The following PKIG variants were observed in gnomAD, a reference collection of about 807,000 sequenced individuals.
PKIG encodes protein kinase (cAMP-dependent, catalytic) inhibitor gamma.
A neutral mutation model predicts 6.8 loss-of-function variants in PKIG; 1 was observed. The observed-to-expected ratio is 0.15, with a 90% confidence interval of 0.05 to 0.69. PKIG has a LOEUF of 0.69. PKIG is among the 30% of genes least tolerant of loss of function. The pLI, the probability that PKIG is intolerant of heterozygous loss-of-function variation, is 0.82. For synonymous variants in PKIG, 39 were observed against 43.0 expected, an observed-to-expected ratio of 0.91 and a Z score of 0.36; for missense variants, 77 against 104.0, an observed-to-expected ratio of 0.74 and a Z score of 1.13.
chr20:44,543,459 C>G (rs1028901400), intron 1 of PKIG, among the ~76,000 whole-genome samples: 1 of 152,180 alleles, frequency 6.6e-6, no homozygotes, highest in Admixed American at 6.5e-5. Flanking sequence ...CCCTGTCTTG[C>G]ATGCCCACTG....
intron 1 of PKIG, among the ~76,000 whole-genome samples, chr20:44,545,211 C>T (rs1433102703): frequency 6.6e-6 from 1 of 152,092 alleles, no homozygotes; most frequent in Non-Finnish European, 1.5e-5. Context: ...GCTGGGGTTA[C>T]AGGTGTGAGC....
At chr20:44,608,874 T>TA (rs1186046836) in intron 2 of PKIG, among the ~76,000 whole-genome samples, 1 of 151,760 alleles carries the variant, frequency 6.6e-6, no homozygotes, top group African/African-American at 2.4e-5. Context: ...ATTATTTTCT[T>TA]AGAATAGATT....
intron 1 of PKIG, among the ~76,000 whole-genome samples, chr20:44,562,549 C>T (rs1169794327): frequency 6.8e-6 from 1 of 146,184 alleles, no homozygotes; most frequent in Non-Finnish European, 1.5e-5. Context: ...CTGCAGTGAG[C>T]CTAGATCGTG....
chr20:44,572,520 A>C (rs1354138982), intron 1 of PKIG, among the ~76,000 whole-genome samples: 1 of 152,230 alleles, frequency 6.6e-6, no homozygotes. Flanking sequence ...TCAGCAACTT[A>C]AATAAAACAT....
At chr20:44,560,720 G>T (rs905281456) in intron 1 of PKIG, among the ~76,000 whole-genome samples, 1 of 152,164 alleles carries the variant, frequency 6.6e-6, no homozygotes, top group Admixed American at 6.5e-5. Flanking sequence ...CAAGCTTCTA[G>T]GTGTAGGGAA....
At chr20:44,606,360 G>C (rs1462603815) in intron 2 of PKIG, among the ~76,000 whole-genome samples, 5 of 152,208 alleles carry the variant, frequency 3.3e-5, no homozygotes, top group Admixed American at 2.6e-4. Context: ...CTGTGGTGAA[G>C]GAAAGTGCTC....
At chr20:44,616,863 C>T (rs2065269852) in intron 3 of PKIG, among the ~76,000 whole-genome samples, 1 of 152,202 alleles carries the variant, frequency 6.6e-6, no homozygotes, top group African/African-American at 2.4e-5. Context: ...GCAGGCTTTC[C>T]AGGCAGCGGG....
chr20:44,565,061 T>TA (rs1017232391), intron 1 of PKIG, among the ~76,000 whole-genome samples: 13 of 152,256 alleles, frequency 8.5e-5, no homozygotes, highest in African/African-American at 2.9e-4. Flanking sequence ...GGATGAATGA[T>TA]ACCAACTTTG....
At position 44,618,241 on chromosome 20, in the gene PKIG, T is replaced by C. The variant is rs371958318; in HGVS notation, c.152-44T>C. ...TTCACACCTCCTTCTGTGCATTACT[T>C]TGTGTATATGTGCCCAAGAAAAACC... On this transcript the variant is annotated intron_variant, in intron 3 of 3. Coordinates refer to ENST00000372886, the MANE Select transcript of PKIG (RefSeq NM_001281445.2). 5.6e-6 allele frequency: 7 copies of C among 1,258,230 alleles called. No individual in the cohort carries two copies. The African/African-American group carries it at 8.8e-5, about 16-fold the overall frequency. 77.9% of individuals were successfully genotyped at this position (1,258,230 alleles called of 1,614,324 possible). A position where few individuals can be genotyped will look rare whatever the true frequency, so the allele number is the denominator to read the frequency against.
At chr20:44,608,281 A>AT (rs1308073983) in intron 2 of PKIG, among the ~76,000 whole-genome samples, 1 of 152,222 alleles carries the variant, frequency 6.6e-6, no homozygotes, top group Admixed American at 6.5e-5. Context: ...AAAAATATTA[A>AT]TGTATGTAAT....
chr20:44,602,871 G>A (rs1471600557), intron 2 of PKIG, among the ~76,000 whole-genome samples: 2 of 151,882 alleles, frequency 1.3e-5, no homozygotes, highest in Non-Finnish European at 1.5e-5. Context: ...GGAAGACTTG[G>A]AGATCATATT....
chr20:44,615,012 C>T (rs114261159), intron 3 of PKIG, among the ~76,000 whole-genome samples: 1,752 of 152,290 alleles, frequency 0.012, 32 homozygotes, highest in African/African-American at 0.041. Context: ...TCACAGCTCT[C>T]ACCTGGCTGA....
intron 1 of PKIG, among the ~76,000 whole-genome samples, chr20:44,548,787 T>G (rs2064639615): frequency 1.3e-5 from 2 of 151,710 alleles, no homozygotes; most frequent in South Asian, 2.1e-4. Flanking sequence ...TTCAAAACAC[T>G]TTGCCTTCTC....
chr20:44,596,501 G>A (rs952529763), intron 2 of PKIG, among the ~76,000 whole-genome samples: 1 of 151,940 alleles, frequency 6.6e-6, no homozygotes, highest in African/African-American at 2.4e-5. Flanking sequence ...ATGTGGGCCA[G>A]AGGTACGGAT....
Position 44,614,460 on chromosome 20 carries a change from T to C in PKIG, c.-23-74T>C. 3.7e-6 allele frequency: 4 copies of C among 1,083,804 alleles called. No individual in the cohort carries two copies. Among genetic ancestry groups the C allele is most frequent in the Non-Finnish European group, 5.5e-6 (4 of 733,736 alleles). The allele number at this position is 1,083,804 out of a possible 1,614,324, so 67.1% of individuals were successfully genotyped here. A position where few individuals can be genotyped will look rare whatever the true frequency, so the allele number is the denominator to read the frequency against. On this transcript the variant is annotated intron_variant, in intron 2 of 3. Coordinates refer to ENST00000372886, the MANE Select transcript of PKIG (RefSeq NM_001281445.2). The surrounding 1 kb of genome is among the most constrained non-coding windows in gnomAD (Gnocchi z 4.6). The stretch of plus-strand genomic sequence containing the variant: ...GTCATTTTGACAGAAGCCACTGTGC[T>C]GGGGAACTGGAGCTGTCCTCTCTGC...
intron 1 of PKIG, among the ~76,000 whole-genome samples, chr20:44,555,841 T>G (rs1365262976): frequency 6.6e-6 from 1 of 152,180 alleles, no homozygotes; most frequent in African/African-American, 2.4e-5. Flanking sequence ...TTATTTTATT[T>G]TATTTTATTT....
At chr20:44,595,862 C>T (rs1431885396) in intron 2 of PKIG, among the ~76,000 whole-genome samples, 1 of 152,172 alleles carries the variant, frequency 6.6e-6, no homozygotes, top group East Asian at 1.9e-4. Context: ...CAAGTACAAC[C>T]ACGAAAATGC....
intron 1 of PKIG, among the ~76,000 whole-genome samples, chr20:44,573,883 G>A (rs984148288): frequency 9.9e-5 from 15 of 152,210 alleles, no homozygotes; most frequent in African/African-American, 3.4e-4. Context: ...GTTTATAGAT[G>A]TAGAGATTAG....
chr20:44,583,694 G>T (rs928350331), intron 1 of PKIG, among the ~76,000 whole-genome samples: 1 of 152,244 alleles, frequency 6.6e-6, no homozygotes, highest in South Asian at 2.1e-4. Context: ...ACACTCTCTG[G>T]GTCTTGTTTC....
Sources: gnomAD v4.1 joint callset for allele counts (sites outside exome capture counted in the v4.1 genomes callset) on GRCh38, gnomAD v4.1.1 for gene constraint, Gnocchi (gnomAD v3.1) non-coding constraint, MANE v1.5 for transcripts, NCBI Gene and HGNC (gene_info 2026-07-23, HGNC 2026-07-21) for gene names.